KMT2C: variants seen among roughly 807,000 people sequenced by gnomAD.
KMT2C encodes the protein lysine methyltransferase 2C, also known as histone-lysine N-methyltransferase 2C.
In KMT2C, 88 loss-of-function variants were observed where a neutral mutation model predicts 507.9. That is an observed-to-expected ratio of 0.17 (90% CI 0.15 to 0.21). KMT2C has a LOEUF of 0.21. KMT2C is among the 10% of genes least tolerant of loss of function. The probability of loss-of-function intolerance (pLI) is 1.00; values close to 1 mark genes in which losing one functional copy is unlikely to be tolerated. For synonymous variants in KMT2C, 2,049 were observed against 2,080.8 expected, an observed-to-expected ratio of 0.98 and a Z score of 0.42; for missense variants, 4,954 against 5,957.8, an observed-to-expected ratio of 0.83 and a Z score of 5.55.
chr7:152,180,994 C>T lies in KMT2C; in HGVS notation c.6866G>A (p.Arg2289His), dbSNP rs202108375. The T allele has an allele frequency of 7.1e-5, 115 of 1,614,130 alleles. No homozygotes were observed. Among genetic ancestry groups the T allele is most frequent in the Middle Eastern group, 1.6e-4 (1 of 6,062 alleles). Reference protein sequence around the residue: ...PGPGLSDTFSRVSPSAARDPY... With the variant: ...PGPGLSDTFSHVSPSAARDPY... ...ATCACGGGCAGCAGATGGGGAAACACGGCTAAATGTGTCTGAAAGACCAGG... is the reference window on the plus strand; with the variant it reads ...ATCACGGGCAGCAGATGGGGAAACATGGCTAAATGTGTCTGAAAGACCAGG... Residue 2289 changes from arginine to histidine, a missense_variant, in exon 36 of 59, where the codon CGT becomes CAT. Physicochemically the swap from Arg to His is conservative, Grantham distance 29 (BLOSUM62 0). Around this residue, in one of 29 missense-constraint regions of KMT2C, gnomAD observed 1,689 missense variants for 1,654.3 expected, o/e 1.02. Transcript: ENST00000262189.
chr7:152,332,164 C>T (rs780881719), intron 2 of KMT2C, among the ~76,000 whole-genome samples: 8 of 152,244 alleles, frequency 5.3e-5, no homozygotes, highest in Non-Finnish European at 1.0e-4. Context: ...ACCCCAAACA[C>T]CTTAAATGTT....
At chr7:152,299,267 G>A (rs1337481825) in intron 6 of KMT2C, among the ~76,000 whole-genome samples, 8 of 151,854 alleles carry the variant, frequency 5.3e-5, no homozygotes, top group Non-Finnish European at 8.8e-5. Flanking sequence ...ACAGTGAGCC[G>A]AGATAGCGCC....
In KMT2C at chr7:152,174,203, AT is replaced by A; in HGVS notation, c.9301del (p.Met3101TrpfsTer7). The A allele has an allele frequency of 1.2e-6, 2 of 1,608,714 alleles. No individual in the cohort carries two copies. Among genetic ancestry groups the A allele is most frequent in the Non-Finnish European group, 1.7e-6 (2 of 1,176,856 alleles). ...TTTATTTATACCTTTAAGGGCCACC[AT>A]TTTGGCTTTCATTATAGGATCTGTA... ...AITDPIMKAK[M>X]VALKGINKVM... is the part of the protein sequence containing the mutation. On this transcript the variant is annotated frameshift_variant, in exon 39 of 59. Coordinates refer to ENST00000262189, the MANE Select transcript of KMT2C (RefSeq NM_170606.3). LOFTEE classifies it high-confidence loss of function.
intron 55 of KMT2C, among the ~76,000 whole-genome samples, chr7:152,142,392 A>G (rs1464975992): frequency 6.6e-6 from 1 of 152,268 alleles, no homozygotes; most frequent in Non-Finnish European, 1.5e-5. Flanking sequence ...CTGCCTATTC[A>G]ATTAAGGTAA....
At chr7:152,268,767 T>G (rs1457336033) in intron 7 of KMT2C, among the ~76,000 whole-genome samples, 1 of 152,214 alleles carries the variant, frequency 6.6e-6, no homozygotes, top group Non-Finnish European at 1.5e-5. Context: ...CAATTCATTT[T>G]TCTATTATAC....
chr7:152,354,586 T>C (rs908150064), intron 2 of KMT2C, among the ~76,000 whole-genome samples: 1 of 152,176 alleles, frequency 6.6e-6, no homozygotes, highest in African/African-American at 2.4e-5. Flanking sequence ...GACAAGTTTG[T>C]CAGGAAAGGT....
chr7:152,237,096 C>G (rs1284205609), intron 15 of KMT2C, among the ~76,000 whole-genome samples: 4 of 152,130 alleles, frequency 2.6e-5, no homozygotes, highest in African/African-American at 9.7e-5. Context: ...CTTGAAAAAA[C>G]CTGGCACCTC....
chr7:152,391,368 G>A lies in KMT2C; in HGVS notation c.162-32693C>T, dbSNP rs867310753. Among the ~76,000 whole-genome samples the A allele has an allele frequency of 1.8e-3, 264 of 148,404 alleles. 2 individuals are homozygous for A. Among genetic ancestry groups the A allele is most frequent in the Middle Eastern group, 0.011 (3 of 278 alleles). On this transcript the variant is annotated intron_variant, in intron 1 of 58. Transcript: ENST00000262189. ...AGCCATTCTCCCGCCTCAGCCTCCC[G>A]AGTAGCTGAGATTATGGTGCCTGCC...
At chr7:152,320,097 C>A (rs775346389) in intron 3 of KMT2C, among the ~76,000 whole-genome samples, 7 of 152,112 alleles carry the variant, frequency 4.6e-5, no homozygotes, top group African/African-American at 7.2e-5. Flanking sequence ...TCTCCGCACA[C>A]GGGGAGAAAA....
intron 24 of KMT2C, 95 bp from the exon 25 acceptor site, chr7:152,205,320 C>A: frequency 6.8e-5 from 48 of 708,158 alleles, no homozygotes; most frequent in East Asian, 4.3e-4. Flanking sequence ...AATAGTAAGT[C>A]ATTTTCCAAA....
At position 152,409,085 on chromosome 7, in the gene KMT2C, T is replaced by C. The variant is rs1357903150; in HGVS notation, c.161+26541A>G. Among the ~76,000 whole-genome samples the C allele has an allele frequency of 5.9e-5, 9 of 151,960 alleles. No homozygotes were observed. The East Asian group carries it at 1.7e-3, about 29-fold the overall frequency. ...GTGGCGCCATCTCAACTCACTGCAG[T>C]CTTGACCTCCGGAGCTCAACCTGAT... is the stretch of plus-strand genomic sequence containing the variant. On this transcript the variant is annotated intron_variant, in intron 1 of 58. Coordinates refer to ENST00000262189, the MANE Select transcript of KMT2C (RefSeq NM_170606.3).
chr7:152,306,958 A>C (rs918323496), intron 6 of KMT2C, among the ~76,000 whole-genome samples: 5 of 152,192 alleles, frequency 3.3e-5, no homozygotes, highest in African/African-American at 9.7e-5. Flanking sequence ...CAGGAGATAG[A>C]GACTAGCCTG....
At chr7:152,145,458 GA>G (rs1157343926) in intron 53 of KMT2C, among the ~76,000 whole-genome samples, 163 bp from the exon 54 acceptor site, 7 of 152,208 alleles carry the variant, frequency 4.6e-5, no homozygotes, top group African/African-American at 1.7e-4. Context: ...CCTGCAGGTA[GA>G]TCTACTTAAA....
At chr7:152,338,912 C>T (rs1474393485) in intron 2 of KMT2C, among the ~76,000 whole-genome samples, 2 of 152,176 alleles carry the variant, frequency 1.3e-5, no homozygotes, top group African/African-American at 4.8e-5. Context: ...CTTTTTTAAG[C>T]ACTGCTGAAT....
intron 14 of KMT2C, 131 bp downstream of exon 14, chr7:152,247,771 A>C (rs1343246493): frequency 1.3e-6 from 1 of 772,896 alleles, no homozygotes; most frequent in African/African-American, 1.8e-5. Flanking sequence ...GAAACACATA[A>C]TCAACATTAC....
At position 152,387,901 on chromosome 7, in the gene KMT2C, G is replaced by C. The variant is rs187533765; in HGVS notation, c.162-29226C>G. On this transcript the variant is annotated intron_variant, in intron 1 of 58. Transcript: ENST00000262189. ...AAAAGCTTCCAGTGATAACCTCTGGGGAGTAAAACTGAACTTGTGATGTAT... is the reference window on the plus strand; with the variant it reads ...AAAAGCTTCCAGTGATAACCTCTGGCGAGTAAAACTGAACTTGTGATGTAT... Among the ~76,000 whole-genome samples the C allele has an allele frequency of 1.3e-3, 192 of 151,952 alleles. 1 individual carries two copies. The highest frequency in any genetic ancestry group is 0.01 in the Middle Eastern group (3 of 294).
At chr7:152,372,783 C>T (rs888053559) in intron 1 of KMT2C, among the ~76,000 whole-genome samples, 3 of 152,120 alleles carry the variant, frequency 2.0e-5, no homozygotes, top group African/African-American at 7.2e-5. Flanking sequence ...TTAAATACCC[C>T]ACTTTCGACA....
chr7:152,225,561 A>G (rs1397937593), intron 18 of KMT2C, among the ~76,000 whole-genome samples: 4 of 152,232 alleles, frequency 2.6e-5, no homozygotes, highest in African/African-American at 9.6e-5. Context: ...AGGAAGACTC[A>G]AAATTCAGCT....
chr7:152,241,188 G>A (rs2095375548), intron 14 of KMT2C, among the ~76,000 whole-genome samples: 3 of 151,996 alleles, frequency 2.0e-5, no homozygotes. Context: ...CTCAATAAAT[G>A]TCTGGCATTT....
Sources: gnomAD v4.1 joint callset for allele counts (sites outside exome capture counted in the v4.1 genomes callset) on GRCh38, gnomAD v4.1.1 for gene constraint, gnomAD v4.1.1 regional missense constraint, MANE v1.5 for transcripts, NCBI Gene and HGNC (gene_info 2026-07-23, HGNC 2026-07-21) for gene names.